SIPA1L1: variants seen among roughly 807,000 people sequenced by gnomAD.
SIPA1L1 encodes the protein signal-induced proliferation-associated 1-like protein 1.
In SIPA1L1, 26 loss-of-function variants were observed where a neutral mutation model predicts 162.7. The ratio of observed to expected loss-of-function variants is 0.16; its 90% CI spans 0.12 to 0.22. The LOEUF (loss-of-function observed/expected upper bound fraction) is 0.22. SIPA1L1 is among the 10% of genes least tolerant of loss of function. The pLI is 1.00. For missense variants in SIPA1L1, 1,874 were observed against 2,241.0 expected, an observed-to-expected ratio of 0.84 and a Z score of 3.31; for synonymous variants, 829 against 837.4, an observed-to-expected ratio of 0.99 and a Z score of 0.17.
At chr14:71,700,994 CAAAAAAAAAAAAAAAAAAAAAAA>C (rs539293669) in intron 14 of SIPA1L1, among the ~76,000 whole-genome samples, 17 of 51,750 alleles carry the variant, frequency 3.3e-4, no homozygotes, top group African/African-American at 6.1e-4. Flanking sequence ...GACTCCGTCT[CAAAAAAAAAAAAAAAAAAAAAAA>C]AAAAAAAAAA....
At chr14:71,531,394 C>G (rs2053433012) in intron 4 of SIPA1L1, among the ~76,000 whole-genome samples, 3 of 151,560 alleles carry the variant, frequency 2.0e-5, no homozygotes, top group African/African-American at 7.3e-5. Flanking sequence ...TAAGAACTGG[C>G]TGTCAGGTTG....
rs772158057 is a variant in SIPA1L1 at position 71,702,439 on chromosome 14, A to T, written c.3580A>T (p.Ile1194Phe). The T allele has an allele frequency of 1.9e-6, 3 of 1,614,184 alleles. No individual in the cohort carries two copies. In the South Asian group the frequency reaches 3.3e-5, roughly 18 times the overall value. ...SIDRQNTQSD[I>F]GGSGKSTPSW... The stretch of plus-strand genomic sequence containing the variant: ...TGACAGGCAGAACACCCAGTCAGAT[A>T]TTGGTGGCAGCGGAAAATCCACGCC... Residue 1194 changes from isoleucine (I) to phenylalanine (F), a missense_variant, in exon 15 of 24, where the codon ATT (isoleucine) becomes TTT (phenylalanine). By Grantham distance (21) the Ile-to-Phe change is conservative. Coordinates refer to ENST00000381232, the MANE Select transcript of SIPA1L1 (RefSeq NM_001386936.1).
chr14:71,641,166 T>C (rs1245434743), intron 7 of SIPA1L1, among the ~76,000 whole-genome samples: 2 of 152,082 alleles, frequency 1.3e-5, no homozygotes, highest in Admixed American at 1.3e-4. Context: ...ATTTATGCAT[T>C]ATTTGGGAAT....
At chr14:71,459,890 A>G (rs1018249253) in intron 2 of SIPA1L1, among the ~76,000 whole-genome samples, 1 of 152,204 alleles carries the variant, frequency 6.6e-6, no homozygotes, top group South Asian at 2.1e-4. Flanking sequence ...GGACCCATAC[A>G]TATCTCCTGA....
At chr14:71,368,142 C>CTTTTTTTTTTTTTTTTTTT (rs755238643) in intron 2 of SIPA1L1, among the ~76,000 whole-genome samples, 2 of 115,182 alleles carry the variant, frequency 1.7e-5, no homozygotes, top group Admixed American at 8.7e-5. Context: ...TTGTGGTATT[C>CTTTTTTTTTTTTTTTTTTT]TTTTTTTTTT....
intron 2 of SIPA1L1, among the ~76,000 whole-genome samples, chr14:71,481,218 C>A (rs1332100904): frequency 6.6e-6 from 1 of 152,190 alleles, no homozygotes; most frequent in Non-Finnish European, 1.5e-5. Flanking sequence ...GTGGCTCACG[C>A]CTGTAACCCT....
chr14:71,729,674 T>C (rs2084575272), intron 19 of SIPA1L1, among the ~76,000 whole-genome samples: 1 of 152,190 alleles, frequency 6.6e-6, no homozygotes, highest in Non-Finnish European at 1.5e-5. Flanking sequence ...GGTTTTGTGC[T>C]CCCGTTGTAC....
chr14:71,653,784 T>C (rs2042830595), intron 8 of SIPA1L1, among the ~76,000 whole-genome samples: 1 of 152,214 alleles, frequency 6.6e-6, no homozygotes, highest in Non-Finnish European at 1.5e-5. Context: ...GTATGCCGTC[T>C]CGTTTAATTC....
Position 71,587,697 on chromosome 14 carries a change from C to A in SIPA1L1, c.-176C>A. ...TTGTGGATTATAACGTTTAGAAGTT[C>A]CAATTTTTCAGTGCTTTACAAATAA... On this transcript the variant is annotated 5_prime_UTR_variant, in exon 5 of 24. Coordinates refer to ENST00000381232, the MANE Select transcript of SIPA1L1 (RefSeq NM_001386936.1). 1 of 621,440 alleles carries A rather than the reference C, an allele frequency of 1.6e-6. No homozygotes were observed. The highest frequency in any genetic ancestry group is 2.5e-5 in the South Asian group (1 of 39,806). 38.5% of individuals were successfully genotyped at this position (621,440 alleles called of 1,614,324 possible). A position where few individuals can be genotyped will look rare whatever the true frequency, so the allele number is the denominator to read the frequency against.
Position 71,739,410 on chromosome 14 carries a change from A to G in SIPA1L1, c.*249A>G, listed in dbSNP as rs184260478. On this transcript the variant is annotated 3_prime_UTR_variant, in exon 24 of 24. Coordinates refer to ENST00000381232, the MANE Select transcript of SIPA1L1 (RefSeq NM_001386936.1). ...ATAAAAGTTTAACTGCTAAAATGTGAATGTCTTTATTTTTTTGCACAATAT... is the reference window on the plus strand; with the variant it reads ...ATAAAAGTTTAACTGCTAAAATGTGGATGTCTTTATTTTTTTGCACAATAT... 522 of 273,858 alleles carry G rather than the reference A, an allele frequency of 1.9e-3. 3 individuals carry two copies. Among genetic ancestry groups the G allele is most frequent in the Middle Eastern group, 0.018 (17 of 926 alleles). 17.0% of individuals were successfully genotyped at this position (273,858 alleles called of 1,614,324 possible). A position where few individuals can be genotyped will look rare whatever the true frequency, so the allele number is the denominator to read the frequency against.
At chr14:71,640,272 A>G (rs1187485592) in intron 7 of SIPA1L1, among the ~76,000 whole-genome samples, 2 of 152,224 alleles carry the variant, frequency 1.3e-5, no homozygotes, top group African/African-American at 4.8e-5. Context: ...TACAAGTATT[A>G]AATTTTTTTG....
chr14:71,499,646 T>C (rs2050049949), intron 2 of SIPA1L1, among the ~76,000 whole-genome samples: 2 of 152,122 alleles, frequency 1.3e-5, no homozygotes, highest in African/African-American at 4.8e-5. Context: ...GCAATAGAAA[T>C]TAGCAAAAGG....
At chr14:71,684,332 T>C (rs935086091) in intron 12 of SIPA1L1, among the ~76,000 whole-genome samples, 1 of 152,188 alleles carries the variant, frequency 6.6e-6, no homozygotes, top group African/African-American at 2.4e-5. Context: ...GCACCTTCCA[T>C]TGTCCTTATT....
chr14:71,367,369 C>T (rs1043377026), intron 2 of SIPA1L1, among the ~76,000 whole-genome samples: 10 of 149,348 alleles, frequency 6.7e-5, no homozygotes, highest in South Asian at 2.1e-4. Flanking sequence ...TGCAGTGGCG[C>T]GATCTCTGCT....
At chr14:71,391,090 C>T (rs2040709817) in intron 2 of SIPA1L1, among the ~76,000 whole-genome samples, 1 of 148,504 alleles carries the variant, frequency 6.7e-6, no homozygotes. Context: ...AGTTTTGTGC[C>T]TGTATTCAGT....
At chr14:71,476,445 C>A (rs903010149) in intron 2 of SIPA1L1, among the ~76,000 whole-genome samples, 1 of 152,132 alleles carries the variant, frequency 6.6e-6, no homozygotes, top group Non-Finnish European at 1.5e-5. Flanking sequence ...TGTGGTATCT[C>A]TAAAAATATT....
intron 2 of SIPA1L1, among the ~76,000 whole-genome samples, chr14:71,329,654 T>C (rs1346796498): frequency 6.6e-6 from 1 of 152,196 alleles, no homozygotes; most frequent in East Asian, 1.9e-4. Flanking sequence ...GGATGCAAGG[T>C]AGTATCTCAT....
chr14:71,385,447 C>T (rs779914566), intron 2 of SIPA1L1, among the ~76,000 whole-genome samples: 15 of 152,062 alleles, frequency 9.9e-5, no homozygotes, highest in Admixed American at 7.9e-4. Flanking sequence ...AAAAGCTCCT[C>T]GAGGATAGGG....
chr14:71,688,842 C>T (rs2081056588), intron 13 of SIPA1L1, among the ~76,000 whole-genome samples: 2 of 152,178 alleles, frequency 1.3e-5, no homozygotes, highest in Non-Finnish European at 2.9e-5. Flanking sequence ...CTAAAGAATG[C>T]TTTACAGTTG....
Sources: allele counts gnomAD v4.1 joint callset (sites outside exome capture counted in the v4.1 genomes callset), GRCh38; gene constraint gnomAD v4.1.1; transcripts MANE v1.5; gene names NCBI Gene and HGNC (gene_info 2026-07-23, HGNC 2026-07-21).